The following PEAK1 variants were observed in gnomAD, a reference collection of about 807,000 sequenced individuals.
PEAK1 encodes inactive tyrosine-protein kinase PEAK1.
In PEAK1, 54 loss-of-function variants were observed where a neutral mutation model predicts 124.7. The ratio of observed to expected loss-of-function variants is 0.43; its 90% CI spans 0.35 to 0.54. PEAK1 has a LOEUF of 0.54. Ranked by LOEUF, PEAK1 falls within the 20% of genes least tolerant of loss-of-function variation. The pLI, the probability that PEAK1 is intolerant of heterozygous loss-of-function variation, is 0.01. For synonymous variants in PEAK1, 719 were observed against 760.0 expected, an observed-to-expected ratio of 0.95 and a Z score of 0.89; for missense variants, 2,046 against 2,134.5, an observed-to-expected ratio of 0.96 and a Z score of 0.82.
chr15:77,339,908 T>C (rs2066428744), intron 2 of PEAK1, among the ~76,000 whole-genome samples: 1 of 152,216 alleles, frequency 6.6e-6, no homozygotes, highest in African/African-American at 2.4e-5. Flanking sequence ...CAATATCATA[T>C]ATTATTAGGG....
chr15:77,381,680 C>T (rs4886864), intron 1 of PEAK1, among the ~76,000 whole-genome samples: 33,634 of 152,132 alleles, frequency 0.22, 4,202 homozygotes, highest in Middle Eastern at 0.3. Flanking sequence ...TCTCCAAAAA[C>T]ATTCTAGAAG....
At chr15:77,370,044 T>C (rs770779429) in intron 1 of PEAK1, among the ~76,000 whole-genome samples, 4 of 152,178 alleles carry the variant, frequency 2.6e-5, no homozygotes, top group Admixed American at 6.5e-5. Context: ...ATTTTACTAA[T>C]TCAGCATCAA....
chr15:77,374,187 G>A (rs1198337233), intron 1 of PEAK1, among the ~76,000 whole-genome samples: 4 of 152,104 alleles, frequency 2.6e-5, no homozygotes, highest in Non-Finnish European at 5.9e-5. Context: ...ACTAAAGGAG[G>A]AGCACAGTGA....
intron 6 of PEAK1, among the ~76,000 whole-genome samples, chr15:77,211,714 G>A (rs1461397107): frequency 3.3e-5 from 5 of 151,914 alleles, no homozygotes; most frequent in Admixed American, 2.0e-4. Flanking sequence ...CAGGCATGGT[G>A]GCAGGCACCT....
chr15:77,217,771 T>A (rs913565284), intron 6 of PEAK1, among the ~76,000 whole-genome samples: 4 of 152,212 alleles, frequency 2.6e-5, no homozygotes, highest in African/African-American at 9.6e-5. Flanking sequence ...TTGAACTGGA[T>A]GGAGCTTTTG....
intron 2 of PEAK1, chr15:77,352,622 A>G: frequency 1.0e-6 from 1 of 952,690 alleles, no homozygotes; most frequent in African/African-American, 1.8e-5. Flanking sequence ...TACCATACTC[A>G]TGAATAACTG....
intron 2 of PEAK1, among the ~76,000 whole-genome samples, chr15:77,292,027 G>C (rs1328084788): frequency 1.3e-5 from 2 of 150,112 alleles, no homozygotes; most frequent in Non-Finnish European, 3.0e-5. Flanking sequence ...ACAATTTCAA[G>C]TAAAATTAGG....
chr15:77,298,464 C>T (rs2063624543), intron 2 of PEAK1, among the ~76,000 whole-genome samples: 2 of 151,378 alleles, frequency 1.3e-5, no homozygotes, highest in Non-Finnish European at 2.9e-5. Flanking sequence ...ATGATCTGCC[C>T]GCCTCTGCCT....
intron 6 of PEAK1, among the ~76,000 whole-genome samples, chr15:77,193,362 C>T (rs367890318): frequency 9.9e-5 from 15 of 152,090 alleles, no homozygotes; most frequent in African/African-American, 3.1e-4. Context: ...CTTGTTTGTA[C>T]AGAAATAAAG....
At chr15:77,380,632 C>T (rs1352057193) in intron 1 of PEAK1, among the ~76,000 whole-genome samples, 1 of 152,124 alleles carries the variant, frequency 6.6e-6, no homozygotes, top group Admixed American at 6.6e-5. Context: ...GCATGCAACA[C>T]TATGCCCAGT....
intron 6 of PEAK1, among the ~76,000 whole-genome samples, chr15:77,186,567 T>C (rs1020145245): frequency 4.6e-5 from 7 of 152,196 alleles, no homozygotes; most frequent in Non-Finnish European, 1.0e-4. Flanking sequence ...GAGACACTTA[T>C]ACATATGTAA....
intron 2 of PEAK1, among the ~76,000 whole-genome samples, chr15:77,327,066 A>G (rs1331938240): frequency 6.6e-6 from 1 of 152,162 alleles, no homozygotes; most frequent in Non-Finnish European, 1.5e-5. Flanking sequence ...AACATTTCTG[A>G]TACTTACCTG....
At chr15:77,312,108 A>C (rs1453657909) in intron 2 of PEAK1, among the ~76,000 whole-genome samples, 1 of 152,124 alleles carries the variant, frequency 6.6e-6, no homozygotes, top group Non-Finnish European at 1.5e-5. Flanking sequence ...AGGTAGGAAA[A>C]ACAGGGCGTG....
rs756188461 is a variant in PEAK1, at chr15:77,179,865, T to C, written c.2062A>G (p.Thr688Ala). 5 of 1,614,174 alleles carry C rather than the reference T, an allele frequency of 3.1e-6. No homozygotes were observed. Among genetic ancestry groups the C allele is most frequent in the Non-Finnish European group, 4.2e-6 (5 of 1,180,004 alleles). Residue 688 changes from threonine (T) to alanine (A), a missense_variant, in exon 7 of 10, where the codon ACT (threonine) becomes GCT (alanine). Physicochemically the swap from Thr to Ala is moderately conservative, Grantham distance 58 (BLOSUM62 0). Transcript: ENST00000682557. ...TTSKTTDCLQ[T>A]KGFSNSTEHK... is the part of the protein sequence containing the mutation. Reference sequence around the variant, plus strand: ...TCTGTGCTGTTTGAAAACCCTTTAGTTTGAAGACAGTCAGTGGTTTTGCTA... The same window carrying C: ...TCTGTGCTGTTTGAAAACCCTTTAGCTTGAAGACAGTCAGTGGTTTTGCTA...
chr15:77,264,640 G>A lies in PEAK1; in HGVS notation c.-274-12114C>T, dbSNP rs540230830. Among the ~76,000 whole-genome samples the A allele has an allele frequency of 7.3e-3, 1,111 of 152,256 alleles. 15 individuals carry two copies. The highest frequency in any genetic ancestry group is 0.025 in the African/African-American group (1,055 of 41,526). Reference sequence around the variant, plus strand: ...AAATGGAAGAACATTCCACGCTCATGGGTAGGAAGAATCAATATCGTGAAA... The same window carrying A: ...AAATGGAAGAACATTCCACGCTCATAGGTAGGAAGAATCAATATCGTGAAA... On this transcript the variant is annotated intron_variant, in intron 5 of 9. Transcript: ENST00000682557.
At chr15:77,347,994 T>C in intron 2 of PEAK1, 2 of 985,250 alleles carry the variant, frequency 2.0e-6, no homozygotes, top group South Asian at 9.4e-5. Context: ...CAAGACATTT[T>C]GTAATAGTGC....
chr15:77,296,282 C>T (rs1234397137), intron 2 of PEAK1, among the ~76,000 whole-genome samples: 1 of 149,436 alleles, frequency 6.7e-6, no homozygotes, highest in Non-Finnish European at 1.5e-5. Flanking sequence ...TTACATATGC[C>T]CTGAAATTAT....
intron 6 of PEAK1, among the ~76,000 whole-genome samples, chr15:77,197,330 T>G (rs1035663973): frequency 6.6e-6 from 1 of 152,222 alleles, no homozygotes. Context: ...AAGGCCATTT[T>G]ATTACTTTCC....
chr15:77,297,395 C>T (rs2063539225), intron 2 of PEAK1, among the ~76,000 whole-genome samples: 1 of 151,764 alleles, frequency 6.6e-6, no homozygotes, highest in Admixed American at 6.6e-5. Context: ...ACACCTGTGA[C>T]TGCCTCTTCC....
Sources: allele counts gnomAD v4.1 joint callset (sites outside exome capture counted in the v4.1 genomes callset), GRCh38; gene constraint gnomAD v4.1.1; transcripts MANE v1.5; gene names NCBI Gene and HGNC (gene_info 2026-07-23, HGNC 2026-07-21).